Variants in LYPLAL1 observed in about 807,000 individuals in gnomAD.
LYPLAL1 encodes the protein lysophospholipase like 1, also known as lysophospholipase-like protein 1.
Under a neutral mutation model 19.7 loss-of-function variants are expected in LYPLAL1, and 23 were observed. The ratio of observed to expected loss-of-function variants is 1.17; its 90% CI spans 0.84 to 1.65. LYPLAL1 has a LOEUF of 1.65. Ranked by LOEUF, LYPLAL1 falls within the 40% of genes most tolerant of loss-of-function variation. The pLI, the probability that LYPLAL1 is intolerant of heterozygous loss-of-function variation, is 0.00. For synonymous variants in LYPLAL1, 119 were observed against 96.3 expected (o/e 1.24, Z -1.38); for missense variants, 355 against 279.4 (o/e 1.27, Z -1.93).
chr1:219,384,234 A>C, the LYPLAL1 span, among the ~76,000 whole-genome samples: 2 of 152,252 alleles, frequency 1.3e-5, no homozygotes, highest in Non-Finnish European at 2.9e-5. Context: ...AATCTTCCTT[A>C]GACACCCATT....
the LYPLAL1 span, among the ~76,000 whole-genome samples, chr1:219,245,865 C>T: frequency 1.3e-5 from 2 of 152,084 alleles, no homozygotes; most frequent in Non-Finnish European, 2.9e-5. Flanking sequence ...TCAGTGGCTT[C>T]TGACAAAATC....
chr1:219,193,059 G>A (rs759638537), intron 2 of LYPLAL1, 23 bp from the exon 3 acceptor site: 2 of 1,328,358 alleles, frequency 1.5e-6, no homozygotes, highest in Non-Finnish European at 1.9e-6. Flanking sequence ...CTTTTTTTTT[G>A]GGGGGGGGCG....
At chr1:219,336,709 CCATAAATGT>C in the LYPLAL1 span, among the ~76,000 whole-genome samples, 20 of 151,932 alleles carry the variant, frequency 1.3e-4, no homozygotes, top group Admixed American at 1.3e-3. Flanking sequence ...ATCAAAGTGT[CCATAAATGT>C]TATTTTCTCA....
the LYPLAL1 span, among the ~76,000 whole-genome samples, chr1:219,426,891 G>T: frequency 6.6e-6 from 1 of 152,154 alleles, no homozygotes; most frequent in African/African-American, 2.4e-5. Flanking sequence ...GAGCCACCAC[G>T]CCAGCCCAGG....
the LYPLAL1 span, among the ~76,000 whole-genome samples, chr1:219,224,222 C>T: frequency 1.1e-4 from 17 of 152,250 alleles, no homozygotes; most frequent in Admixed American, 9.8e-4. Flanking sequence ...TGAAAGTTCA[C>T]AACATGAACT....
At chr1:219,227,452 G>C in the LYPLAL1 span, among the ~76,000 whole-genome samples, 3 of 152,124 alleles carry the variant, frequency 2.0e-5, no homozygotes, top group African/African-American at 7.2e-5. Flanking sequence ...CACTTGCAAG[G>C]TTATTTTTGC....
At chr1:219,209,169 G>A (rs948835839) in intron 3 of LYPLAL1, among the ~76,000 whole-genome samples, 3 of 152,072 alleles carry the variant, frequency 2.0e-5, no homozygotes, top group Admixed American at 2.0e-4. Flanking sequence ...GTGGGCTACT[G>A]CTACGATAAG....
the LYPLAL1 span, among the ~76,000 whole-genome samples, chr1:219,376,652 G>T: frequency 6.6e-6 from 1 of 151,986 alleles, no homozygotes; most frequent in African/African-American, 2.4e-5. Context: ...ATGGGCAAAG[G>T]GTAAGGATAT....
At chr1:219,314,555 C>T in the LYPLAL1 span, among the ~76,000 whole-genome samples, 1 of 152,200 alleles carries the variant, frequency 6.6e-6, no homozygotes, top group African/African-American at 2.4e-5. Context: ...GGCTGTTCTC[C>T]TGCCTCAGCC....
At chr1:219,255,412 G>A in the LYPLAL1 span, among the ~76,000 whole-genome samples, 5 of 151,582 alleles carry the variant, frequency 3.3e-5, no homozygotes, top group Admixed American at 2.6e-4. Flanking sequence ...CTATTTATTT[G>A]TTGCAAGTAT....
chr1:219,337,340 A>T, the LYPLAL1 span, among the ~76,000 whole-genome samples: 1 of 152,088 alleles, frequency 6.6e-6, no homozygotes, highest in Admixed American at 6.6e-5. Flanking sequence ...ATGTTAAATT[A>T]TTCAGGGAAT....
At chr1:219,310,379 C>T in the LYPLAL1 span, among the ~76,000 whole-genome samples, 1 of 152,182 alleles carries the variant, frequency 6.6e-6, no homozygotes. Flanking sequence ...ACCTGGGAAC[C>T]TTAACTCACA....
At chr1:219,398,354 A>T in the LYPLAL1 span, among the ~76,000 whole-genome samples, 35 of 152,232 alleles carry the variant, frequency 2.3e-4, no homozygotes, top group African/African-American at 7.9e-4. Flanking sequence ...TGCTACTAAT[A>T]CTTGTGATTG....
chr1:219,397,419 A>G, the LYPLAL1 span, among the ~76,000 whole-genome samples: 1 of 152,120 alleles, frequency 6.6e-6, no homozygotes, highest in Non-Finnish European at 1.5e-5. Context: ...GGTGATGCTG[A>G]CCTCATAGGA....
chr1:219,415,965 G>C, the LYPLAL1 span, among the ~76,000 whole-genome samples: 7 of 152,236 alleles, frequency 4.6e-5, no homozygotes, highest in African/African-American at 1.7e-4. Context: ...TTTTTCGTCA[G>C]TTTTGACAGG....
chr1:219,193,297 TAA>T, intron 3 of LYPLAL1, 46 bp downstream of exon 3: 1 of 1,477,708 alleles, frequency 6.8e-7, no homozygotes, highest in Non-Finnish European at 9.3e-7. Context: ...CACTTTTGTC[TAA>T]TTCTATACAT....
intron 3 of LYPLAL1, among the ~76,000 whole-genome samples, chr1:219,205,541 T>C (rs1418056310): frequency 6.6e-6 from 1 of 152,188 alleles, no homozygotes; most frequent in African/African-American, 2.4e-5. Flanking sequence ...TAAGAGAACA[T>C]GTCAAAATTC....
the LYPLAL1 span, among the ~76,000 whole-genome samples, chr1:219,276,595 G>A: frequency 6.6e-6 from 1 of 152,244 alleles, no homozygotes; most frequent in Middle Eastern, 3.4e-3. Context: ...TTGCCCCTGG[G>A]GGTGGGCCAT....
At chr1:219,400,774 A>G in the LYPLAL1 span, among the ~76,000 whole-genome samples, 2 of 152,210 alleles carry the variant, frequency 1.3e-5, no homozygotes, top group Non-Finnish European at 2.9e-5. Flanking sequence ...TGCCGGGATT[A>G]TAGGCATGAG....
Sources: allele counts gnomAD v4.1 joint callset (sites outside exome capture counted in the v4.1 genomes callset), GRCh38; gene constraint gnomAD v4.1.1; transcripts MANE v1.5; gene names NCBI Gene and HGNC (gene_info 2026-07-23, HGNC 2026-07-21).